CGGBP1: variants seen among roughly 807,000 people sequenced by gnomAD.
The protein encoded by CGGBP1 is CGG triplet repeat binding protein 1.
Under a neutral mutation model 11.4 loss-of-function variants are expected in CGGBP1, and 4 were observed. The observed-to-expected ratio is 0.35, with a 90% CI of 0.17 to 0.80. The LOEUF is 0.80. Among genes scored for constraint, CGGBP1 ranks in the 30% least tolerant of loss-of-function variants. CGGBP1 has a pLI of 0.52. For missense variants in CGGBP1, 135 were observed against 202.1 expected (o/e 0.67, Z 2.01); for synonymous variants, 76 against 74.1 (o/e 1.03, Z -0.13).
chr3:88,086,710 T>TA (rs1477040490), intron 2 of CGGBP1, among the ~76,000 whole-genome samples: 4 of 152,310 alleles, frequency 2.6e-5, no homozygotes, highest in South Asian at 2.1e-4. Context: ...TACAGCAGTT[T>TA]AGGCTATGAT....
At chr3:88,142,597 G>A (rs1003423825) in intron 1 of CGGBP1, 3 of 152,372 alleles carry the variant, frequency 2.0e-5, no homozygotes, top group African/African-American at 7.2e-5. Flanking sequence ...AGACATTAAT[G>A]TGAGTTATCT....
chr3:88,134,457 A>G (rs1706651823), intron 2 of CGGBP1, among the ~76,000 whole-genome samples: 1 of 152,086 alleles, frequency 6.6e-6, no homozygotes, highest in Non-Finnish European at 1.5e-5. Context: ...GCCTTTGCCT[A>G]AAAACCCACC....
chr3:88,128,909 A>C, intron 2 of CGGBP1: 1 of 1,535,690 alleles, frequency 6.5e-7, no homozygotes, highest in Non-Finnish European at 8.7e-7. Context: ...CTCTTATTAA[A>C]TCTTGTATAA....
At chr3:88,145,073 CAA>C (rs59757848) in intron 1 of CGGBP1, among the ~76,000 whole-genome samples, 118,752 of 151,658 alleles carry the variant, frequency 0.78, 47,408 homozygotes, top group South Asian at 0.91. Context: ...CTTAAAAAAA[CAA>C]AGACTGAAAT....
rs1706440482 is a variant in CGGBP1 at position 88,052,075 on chromosome 3, A to G, written c.*3398T>C. On this transcript the variant is annotated 3_prime_UTR_variant, in exon 4 of 4. Transcript: ENST00000482016. ...AGAGACAAAACTTTAGAAGTGACAC[A>G]TTTATACTAAGCATACATGCGTGAG... 1 of 152,648 alleles carries G rather than the reference A, an allele frequency of 6.6e-6. No homozygotes were observed. The highest frequency in any genetic ancestry group is 6.5e-5 in the Admixed American group (1 of 15,282). The allele number at this position is 152,648 out of a possible 1,614,324, so 9.5% of individuals were successfully genotyped here.
intron 2 of CGGBP1, among the ~76,000 whole-genome samples, chr3:88,071,660 C>CG (rs1362015534): frequency 7.2e-6 from 1 of 138,414 alleles, no homozygotes; most frequent in Non-Finnish European, 1.6e-5. Flanking sequence ...AAAAATTAGC[C>CG]GGGCGTGGTG....
chr3:88,109,142 AGTGTGTGTGTGTGTGTGTGTGT>A (rs35595112), intron 2 of CGGBP1, among the ~76,000 whole-genome samples: 1 of 142,434 alleles, frequency 7.0e-6, no homozygotes, highest in Non-Finnish European at 1.5e-5. Context: ...AGTGGGCACT[AGTGTGTGTGTGTGTGTGTGTGT>A]GTGTGTGTGT....
chr3:88,110,327 A>T (rs776013687), intron 2 of CGGBP1, among the ~76,000 whole-genome samples: 2 of 152,120 alleles, frequency 1.3e-5, no homozygotes, highest in Non-Finnish European at 2.9e-5. Flanking sequence ...CTGTCTGCCT[A>T]TAATAGGTCT....
At chr3:88,065,021 T>C (rs1348105586) in intron 2 of CGGBP1, among the ~76,000 whole-genome samples, 2 of 152,260 alleles carry the variant, frequency 1.3e-5, no homozygotes, top group African/African-American at 2.4e-5. Flanking sequence ...ATTGCATTGA[T>C]AATAATTTTT....
At chr3:88,072,069 G>A (rs1707547098) in intron 2 of CGGBP1, among the ~76,000 whole-genome samples, 1 of 152,150 alleles carries the variant, frequency 6.6e-6, no homozygotes, top group Non-Finnish European at 1.5e-5. Context: ...GAGTATTGTA[G>A]AGGGTATTCC....
rs1706477741 is a variant in CGGBP1, at chr3:88,053,606, AGC to A, written c.*1865_*1866del. The A allele has an allele frequency of 6.6e-6, 1 of 152,528 alleles. No homozygotes were observed. Among genetic ancestry groups the A allele is most frequent in the South Asian group, 2.1e-4 (1 of 4,838 alleles). 9.4% of individuals were successfully genotyped at this position (152,528 alleles called of 1,614,324 possible). ...GCAAATTAATACCCAAATAATAGGG[AGC>A]AGTTTGAATCACATGGAATTTCAAA... On this transcript the variant is annotated 3_prime_UTR_variant, in exon 4 of 4. Transcript: ENST00000482016.
At chr3:88,140,931 G>C (rs537742883) in intron 2 of CGGBP1, 2 of 1,613,576 alleles carry the variant, frequency 1.2e-6, no homozygotes, top group South Asian at 2.2e-5. Context: ...TAAAAAATCA[G>C]TGAAAAGATT....
chr3:88,118,574 T>C (rs1705556707), intron 2 of CGGBP1, among the ~76,000 whole-genome samples: 1 of 152,148 alleles, frequency 6.6e-6, no homozygotes. Context: ...CCTCAAAACC[T>C]GGACCATGGC....
intron 2 of CGGBP1, among the ~76,000 whole-genome samples, chr3:88,065,163 C>T (rs1707122728): frequency 6.6e-6 from 1 of 152,038 alleles, no homozygotes. Flanking sequence ...TATTTCAAGT[C>T]TTCATAAAAG....
At chr3:88,079,743 T>C (rs1707987240) in intron 2 of CGGBP1, among the ~76,000 whole-genome samples, 1 of 152,076 alleles carries the variant, frequency 6.6e-6, no homozygotes, top group Non-Finnish European at 1.5e-5. Flanking sequence ...TTTTCCATTT[T>C]GAAAAGATTC....
chr3:88,096,999 A>G (rs1473710591), intron 2 of CGGBP1, among the ~76,000 whole-genome samples: 1 of 152,164 alleles, frequency 6.6e-6, no homozygotes, highest in Non-Finnish European at 1.5e-5. Flanking sequence ...CATAGAAAGA[A>G]CACTGGTCAT....
rs550676569 is a variant in CGGBP1 at position 88,054,423 on chromosome 3, C to A, written c.*1050G>T. The A allele has an allele frequency of 1.3e-5, 2 of 152,088 alleles. No individual in the cohort carries two copies. Among genetic ancestry groups the A allele is most frequent in the Non-Finnish European group, 2.9e-5 (2 of 68,002 alleles). 9.4% of individuals were successfully genotyped at this position (152,088 alleles called of 1,614,324 possible). On this transcript the variant is annotated 3_prime_UTR_variant, in exon 4 of 4. Coordinates refer to ENST00000482016, the MANE Select transcript of CGGBP1 (RefSeq NM_001008390.2). ...ACTGCCAGATCTCCAATACAAAAAA[C>A]CTGCCAGAATTTCTAGACAATTGTT...
chr3:88,111,959 CG>C (rs2107762394), intron 2 of CGGBP1, among the ~76,000 whole-genome samples: 1 of 151,922 alleles, frequency 6.6e-6, no homozygotes, highest in South Asian at 2.1e-4. Context: ...TTACTTTCTG[CG>C]AAATATTCTC....
upstream of CGGBP1, chr3:88,059,356 C>G (rs1210846523): frequency 6.5e-7 from 1 of 1,535,068 alleles, no homozygotes; most frequent in South Asian, 1.2e-5. Flanking sequence ...GGCCGAACGC[C>G]TCGGAGAAGA....
Sources: gnomAD v4.1 joint callset for allele counts (sites outside exome capture counted in the v4.1 genomes callset) on GRCh38, gnomAD v4.1.1 for gene constraint, MANE v1.5 for transcripts, NCBI Gene and HGNC (gene_info 2026-07-23, HGNC 2026-07-21) for gene names.